CDH23: variants seen among roughly 807,000 people sequenced by gnomAD.
CDH23 encodes cadherin-23.
In CDH23, 189 loss-of-function variants were observed where a neutral mutation model predicts 317.1. The observed-to-expected ratio is 0.60, with a 90% CI of 0.53 to 0.67. CDH23 has a LOEUF of 0.67. CDH23 is among the 30% of genes least tolerant of loss of function. CDH23 has a pLI of 0.00. For missense variants in CDH23, 4,401 were observed against 4,592.4 expected (o/e 0.96, Z 1.20); for synonymous variants, 1,839 against 1,876.8 (o/e 0.98, Z 0.52).
At chr10:71,443,323 C>A (rs1447925640) in intron 2 of CDH23, among the ~76,000 whole-genome samples, 3 of 152,186 alleles carry the variant, frequency 2.0e-5, no homozygotes, top group Non-Finnish European at 4.4e-5. Flanking sequence ...CCGGTGGGGA[C>A]CTTCCCCATA....
intron 1 of CDH23, among the ~76,000 whole-genome samples, chr10:71,427,174 A>G (rs111542626): frequency 0.017 from 1,542 of 90,498 alleles, 97 homozygotes; most frequent in East Asian, 0.12. Flanking sequence ...AAAAAAAGAA[A>G]GAAGGAAGGA....
chr10:71,679,388 C>G lies in CDH23; in HGVS notation c.1754C>G (p.Ala585Gly). Residue 585 changes from alanine (A) to glycine (G), a missense_variant and splice_region_variant, in exon 17 of 70, where the codon GCA (alanine) becomes GGA (glycine). By Grantham distance (60) the Ala-to-Gly change is moderately conservative (BLOSUM62 0). Around this residue, in one of 3 missense-constraint regions of CDH23, gnomAD observed 3,068 missense variants for 3,203.3 expected, o/e 0.96. Transcript: ENST00000224721. ...CCTTGTCTGCCCTCTTCCTTTCAGG[C>G]AACAGATGAAGACTCCCCTCCCAAC... is the stretch of plus-strand genomic sequence containing the variant. ...PSVTQLVRLRATDEDSPPNNQ... is the reference protein window; with the variant it reads ...PSVTQLVRLRGTDEDSPPNNQ... The G allele has an allele frequency of 2.5e-6, 4 of 1,611,124 alleles. No homozygotes were observed. The highest frequency in any genetic ancestry group is 3.4e-6 in the Non-Finnish European group (4 of 1,178,320).
intron 3 of CDH23, among the ~76,000 whole-genome samples, chr10:71,468,348 T>C (rs1387253084): frequency 2.0e-5 from 3 of 152,084 alleles, no homozygotes; most frequent in Non-Finnish European, 4.4e-5. Context: ...GAAGCATTGC[T>C]CTCTTGGTGT....
intron 14 of CDH23, among the ~76,000 whole-genome samples, chr10:71,664,982 T>A (rs1479095469): frequency 6.6e-6 from 1 of 152,116 alleles, no homozygotes; most frequent in Non-Finnish European, 1.5e-5. Context: ...AGGATTAAGA[T>A]CCTTAGCTTG....
chr10:71,434,096 C>G (rs546699529), intron 1 of CDH23, among the ~76,000 whole-genome samples: 1 of 152,124 alleles, frequency 6.6e-6, no homozygotes, highest in African/African-American at 2.4e-5. Context: ...GCTCCTCAAG[C>G]GCACTAGGCA....
rs1235821368 is a variant in CDH23 at position 71,577,966 on chromosome 10, G to T, written c.806G>T (p.Arg269Leu). 6.2e-7 allele frequency: 1 copy of T among 1,603,938 alleles called. No homozygotes were observed. The highest frequency in any genetic ancestry group is 8.5e-7 in the Non-Finnish European group (1 of 1,175,420). The change falls in exon 9 of 70, where the codon CGG becomes CTG. Residue 269 changes from arginine to leucine, a missense_variant. This residue lies in a region of CDH23 where 3,068 missense variants were observed against 3,203.3 expected (regional missense o/e 0.96). Coordinates refer to ENST00000224721, the MANE Select transcript of CDH23 (RefSeq NM_022124.6). ...TAIDQDKGRPRGIGYTIVSGN... is the reference protein window; with the variant it reads ...TAIDQDKGRPLGIGYTIVSGN... ...ATAGACCAGGATAAAGGACGTCCCC[G>T]GGGCATTGGCTACACCATCGTTTCA...
chr10:71,737,532 T>C (rs1839600021), intron 34 of CDH23, among the ~76,000 whole-genome samples: 2 of 152,348 alleles, frequency 1.3e-5, no homozygotes, highest in South Asian at 4.1e-4. Flanking sequence ...CTCTGCAGCA[T>C]GCACAGGCTT....
intron 9 of CDH23, among the ~76,000 whole-genome samples, chr10:71,606,888 C>T (rs750126004): frequency 3.9e-5 from 6 of 152,050 alleles, no homozygotes; most frequent in African/African-American, 7.2e-5. Flanking sequence ...TCCCCCACCC[C>T]GACTGACCCA....
At chr10:71,677,107 G>A (rs1268661428) in intron 15 of CDH23, among the ~76,000 whole-genome samples, 1 of 152,096 alleles carries the variant, frequency 6.6e-6, no homozygotes, top group Non-Finnish European at 1.5e-5. Context: ...GGTGCAAAAC[G>A]ATCTGGGTTG....
At position 71,738,720 on chromosome 10, in the gene CDH23, C is replaced by A. The variant is rs777536729; in HGVS notation, c.4359+73C>A. On this transcript the variant is annotated intron_variant, in intron 35 of 69. Coordinates refer to ENST00000224721, the MANE Select transcript of CDH23 (RefSeq NM_022124.6). The stretch of plus-strand genomic sequence containing the variant: ...CCCACAGCTCTCACAGCTGGAGGGG[C>A]CTTCTGAGCCACCCCCATCACCAAG... The A allele has an allele frequency of 3.3e-6, 5 of 1,525,230 alleles. No homozygotes were observed. The African/African-American group carries it at 4.1e-5, about 13-fold the overall frequency. 94.5% of individuals were successfully genotyped at this position (1,525,230 alleles called of 1,614,324 possible). A position where few individuals can be genotyped will look rare whatever the true frequency, so the allele number is the denominator to read the frequency against.
At chr10:71,641,519 A>G (rs1238608803) in intron 11 of CDH23, among the ~76,000 whole-genome samples, 1 of 151,818 alleles carries the variant, frequency 6.6e-6, no homozygotes, top group East Asian at 1.9e-4. Flanking sequence ...TCTTCTCCAC[A>G]CTCCGTGCCT....
Position 71,670,196 on chromosome 10 carries a change from C to T in CDH23, c.1450-4916C>T, listed in dbSNP as rs192312832. On this transcript the variant is annotated intron_variant, in intron 14 of 69. Coordinates refer to ENST00000224721, the MANE Select transcript of CDH23 (RefSeq NM_022124.6). The stretch of plus-strand genomic sequence containing the variant: ...TGGAGGTGCTCTATAAACCCCGCCT[C>T]GCCCCATGCAATCCAGCAACCCCTC... Among the ~76,000 whole-genome samples, 665 of 152,302 alleles carry T rather than the reference C, an allele frequency of 4.4e-3. 5 individuals are homozygous for T. The highest frequency in any genetic ancestry group is 0.039 in the South Asian group (190 of 4,822).
chr10:71,547,498 A>C (rs530861986), intron 6 of CDH23, among the ~76,000 whole-genome samples: 9 of 152,346 alleles, frequency 5.9e-5, no homozygotes, highest in South Asian at 4.1e-4. Flanking sequence ...GGAGGTCAAC[A>C]GGAAGCCACT....
chr10:71,702,600 T>G lies in CDH23; in HGVS notation c.2639T>G (p.Leu880Arg). 1 of 1,613,986 alleles carries G rather than the reference T, an allele frequency of 6.2e-7. No homozygotes were observed. Among genetic ancestry groups the G allele is most frequent in the Non-Finnish European group, 8.5e-7 (1 of 1,179,894 alleles). ...AGCAGTGCCACAGTGTTTGTGAACCTCTTGGATCTCAATGACAATGACCCC... is the reference window on the plus strand; with the variant it reads ...AGCAGTGCCACAGTGTTTGTGAACCGCTTGGATCTCAATGACAATGACCCC... Reference protein sequence around the residue: ...ATSSATVFVNLLDLNDNDPTF... With the variant: ...ATSSATVFVNRLDLNDNDPTF... Residue 880 changes from leucine (L) to arginine (R), a missense_variant, in exon 24 of 70, where the codon CTC (leucine) becomes CGC (arginine). Leu to Arg is a moderately radical substitution (Grantham distance 102, BLOSUM62 -2). Around this residue, in one of 3 missense-constraint regions of CDH23, gnomAD observed 3,068 missense variants for 3,203.3 expected, o/e 0.96. Coordinates refer to ENST00000224721, the MANE Select transcript of CDH23 (RefSeq NM_022124.6).
At chr10:71,717,846 A>C (rs1216830009) in intron 28 of CDH23, 1 of 152,166 alleles carries the variant, frequency 6.6e-6, no homozygotes, top group Non-Finnish European at 1.5e-5. Flanking sequence ...GAAGGCAAGA[A>C]AGAAGAGAGG....
At chr10:71,650,672 C>T (rs1226691216) in intron 14 of CDH23, among the ~76,000 whole-genome samples, 5 of 152,176 alleles carry the variant, frequency 3.3e-5, no homozygotes, top group Non-Finnish European at 5.9e-5. Context: ...GTGCCTGTAC[C>T]GATGCATGGA....
At chr10:71,544,237 A>G (rs1450974366) in intron 6 of CDH23, among the ~76,000 whole-genome samples, 1 of 152,194 alleles carries the variant, frequency 6.6e-6, no homozygotes, top group African/African-American at 2.4e-5. Context: ...GAGTAGCGGA[A>G]AAAAGGGAGA....
chr10:71,619,505 T>C (rs2132525401), intron 11 of CDH23, among the ~76,000 whole-genome samples: 1 of 152,232 alleles, frequency 6.6e-6, no homozygotes, highest in South Asian at 2.1e-4. Context: ...CAGAAGAAAG[T>C]CCCATCTGTG....
chr10:71,654,609 G>A (rs191686765), intron 14 of CDH23, among the ~76,000 whole-genome samples: 22 of 152,310 alleles, frequency 1.4e-4, no homozygotes, highest in African/African-American at 5.3e-4. Context: ...CGACCAGCTG[G>A]AGTCTGGAAA....
Sources: allele counts gnomAD v4.1 joint callset (sites outside exome capture counted in the v4.1 genomes callset), GRCh38; gene constraint gnomAD v4.1.1; regional missense constraint gnomAD v4.1.1; transcripts MANE v1.5; gene names NCBI Gene and HGNC (gene_info 2026-07-23, HGNC 2026-07-21).